The following CDS2 variants were observed in gnomAD, a reference collection of about 807,000 sequenced individuals.
The protein encoded by CDS2 is phosphatidate cytidylyltransferase 2.
In CDS2, 47 loss-of-function variants were observed where a neutral mutation model predicts 59.0. That is an observed-to-expected ratio of 0.80 (90% CI 0.63 to 1.02). The LOEUF is 1.02. Ranked by LOEUF, CDS2 falls within the 50% of genes least tolerant of loss-of-function variation. The probability of loss-of-function intolerance (pLI) is 0.00; values close to 1 mark genes in which losing one functional copy is unlikely to be tolerated. For synonymous variants in CDS2, 207 were observed against 206.4 expected, an observed-to-expected ratio of 1.00 and a Z score of -0.02; for missense variants, 356 against 558.9, an observed-to-expected ratio of 0.64 and a Z score of 3.66.
intron 1 of CDS2, among the ~76,000 whole-genome samples, chr20:5,158,498 C>T (rs1455975387): frequency 6.6e-6 from 1 of 152,118 alleles, no homozygotes; most frequent in Non-Finnish European, 1.5e-5. Context: ...TTTTAAACAA[C>T]CCTGTAAAAT....
chr20:5,181,288 A>G (rs867925701), intron 5 of CDS2, among the ~76,000 whole-genome samples: 1 of 152,218 alleles, frequency 6.6e-6, no homozygotes, highest in African/African-American at 2.4e-5. Flanking sequence ...TAAATTGCAG[A>G]AAAAAACCAA....
chr20:5,183,289 C>T lies in CDS2; in HGVS notation c.671+146C>T, dbSNP rs759212548. 35 of 649,412 alleles carry T rather than the reference C, an allele frequency of 5.4e-5. 1 individual carries two copies. The highest frequency in any genetic ancestry group is 8.7e-5 in the Non-Finnish European group (32 of 367,148). The allele number at this position is 649,412 out of a possible 1,614,324, so 40.2% of individuals were successfully genotyped here. A position where few individuals can be genotyped will look rare whatever the true frequency, so the allele number is the denominator to read the frequency against. On this transcript the variant is annotated intron_variant, in intron 7 of 12. Transcript: ENST00000460006. The stretch of plus-strand genomic sequence containing the variant: ...ATAGCACAGATTGCTGGACCCCACC[C>T]CTGACTTTTTGATTCATTAGATCTG...
chr20:5,172,428 C>T (rs192148097), intron 1 of CDS2, among the ~76,000 whole-genome samples: 10 of 152,320 alleles, frequency 6.6e-5, no homozygotes. Context: ...AGGCAGAAAA[C>T]TCCGTAGAAA....
At chr20:5,131,047 G>C (rs1339348363) in intron 1 of CDS2, among the ~76,000 whole-genome samples, 30 of 150,442 alleles carry the variant, frequency 2.0e-4, no homozygotes, top group Admixed American at 9.2e-4. Context: ...GAGCCGAGAT[G>C]GCGCCACTGC....
At chr20:5,153,067 G>T (rs1351803302) in intron 1 of CDS2, among the ~76,000 whole-genome samples, 1 of 152,074 alleles carries the variant, frequency 6.6e-6, no homozygotes, top group Non-Finnish European at 1.5e-5. Flanking sequence ...TATTTTGTCT[G>T]GATTGTCTTG....
At chr20:5,137,739 A>C (rs1422856206) in intron 1 of CDS2, among the ~76,000 whole-genome samples, 1 of 151,472 alleles carries the variant, frequency 6.6e-6, no homozygotes, top group East Asian at 2.0e-4. Flanking sequence ...ACTTGAGCCC[A>C]GGAGTTTGAG....
intron 2 of CDS2, among the ~76,000 whole-genome samples, chr20:5,174,551 C>T (rs569520377): frequency 2.6e-5 from 4 of 152,030 alleles, no homozygotes; most frequent in South Asian, 2.1e-4. Context: ...GGTGAAACCC[C>T]GTCTCTACTA....
chr20:5,196,240 C>T lies in CDS2; in HGVS notation c.*6006C>T, dbSNP rs1249449565. ...AAGCAGCTGCTGTGACAGGCCAATC[C>T]CAGGCTTGCCCCCGAGCCCTCCTGT... On this transcript the variant is annotated 3_prime_UTR_variant, in exon 13 of 13. Transcript: ENST00000460006. 6.6e-6 allele frequency: 1 copy of T among 152,146 alleles called. No homozygotes were observed. The highest frequency in any genetic ancestry group is 1.5e-5 in the Non-Finnish European group (1 of 68,052). 9.4% of individuals were successfully genotyped at this position (152,146 alleles called of 1,614,324 possible). A position where few individuals can be genotyped will look rare whatever the true frequency, so the allele number is the denominator to read the frequency against.
In CDS2 at chr20:5,189,073, G is replaced by A; in HGVS notation, c.988G>A (p.Val330Ile). ...VIQSVIGWKT[V>I]RMYPFQIHSI... ...CTTCATTTACTCTTCTCAGAAAACGGTCCGGATGTACCCCTTCCAGATTCA... is the reference window on the plus strand; with the variant it reads ...CTTCATTTACTCTTCTCAGAAAACGATCCGGATGTACCCCTTCCAGATTCA... Residue 330 changes from valine to isoleucine, a missense_variant, in exon 11 of 13, where the codon GTC (valine) becomes ATC (isoleucine). Physicochemically the swap from Val to Ile is conservative, Grantham distance 29. This residue lies in a region of CDS2 where 88 missense variants were observed against 103.6 expected (regional missense o/e 0.85). Transcript: ENST00000460006. 1 of 1,614,146 alleles carries A rather than the reference G, an allele frequency of 6.2e-7. No individual in the cohort carries two copies. The highest frequency in any genetic ancestry group is 2.2e-5 in the East Asian group (1 of 44,888).
At chr20:5,178,645 G>A (rs1308109621) in intron 4 of CDS2, among the ~76,000 whole-genome samples, 172 bp from the exon 5 acceptor site, 1 of 152,104 alleles carries the variant, frequency 6.6e-6, no homozygotes, top group Non-Finnish European at 1.5e-5. Context: ...CTCACCTACG[G>A]TGTCACCAGA....
At chr20:5,177,860 T>C (rs1250207515) in intron 4 of CDS2, among the ~76,000 whole-genome samples, 1 of 152,224 alleles carries the variant, frequency 6.6e-6, no homozygotes, top group Non-Finnish European at 1.5e-5. Context: ...GGCTGTTCTT[T>C]AGCTGGAAAG....
intron 11 of CDS2, 134 bp downstream of exon 11, chr20:5,189,320 G>A: frequency 1.1e-6 from 1 of 909,980 alleles, no homozygotes; most frequent in Non-Finnish European, 1.7e-6. Context: ...CCCATGCACT[G>A]AATTTAGGTG....
At chr20:5,177,080 A>C (rs2091000133) in intron 4 of CDS2, among the ~76,000 whole-genome samples, 1 of 152,156 alleles carries the variant, frequency 6.6e-6, no homozygotes, top group Non-Finnish European at 1.5e-5. Context: ...TCTTATAGTT[A>C]CTTGAAGTCT....
Position 5,176,642 on chromosome 20 carries a change from C to T in CDS2, c.292-6C>T. 1 of 1,609,740 alleles carries T rather than the reference C, an allele frequency of 6.2e-7. No individual in the cohort carries two copies. The highest frequency in any genetic ancestry group is 8.5e-7 in the Non-Finnish European group (1 of 1,176,080). On this transcript the variant is annotated splice_region_variant and splice_polypyrimidine_tract_variant and intron_variant, in intron 3 of 12. Coordinates refer to ENST00000460006, the MANE Select transcript of CDS2 (RefSeq NM_003818.4). ...GGGGTGTCAGTGAATGTTTTGTGTCCCGCAGGTGATGTGCGTTCAGATTAA... is the reference window on the plus strand; with the variant it reads ...GGGGTGTCAGTGAATGTTTTGTGTCTCGCAGGTGATGTGCGTTCAGATTAA...
At chr20:5,132,405 GGTTT>G (rs1247767369) in intron 1 of CDS2, among the ~76,000 whole-genome samples, 2 of 151,918 alleles carry the variant, frequency 1.3e-5, no homozygotes, top group African/African-American at 2.4e-5. Context: ...GCCTCTTTTT[GGTTT>G]ATTTTCTTGT....
intron 1 of CDS2, among the ~76,000 whole-genome samples, chr20:5,165,215 C>A (rs911216501): frequency 1.7e-4 from 23 of 134,400 alleles, no homozygotes; most frequent in African/African-American, 5.7e-4. Context: ...TTTTTGGAAA[C>A]CCCCGTATTG....
chr20:5,159,660 C>T (rs1281011324), intron 1 of CDS2, among the ~76,000 whole-genome samples: 5 of 152,060 alleles, frequency 3.3e-5, no homozygotes, highest in Non-Finnish European at 5.9e-5. Flanking sequence ...TTCCTCTTTT[C>T]CCCCAAAACA....
intron 1 of CDS2, among the ~76,000 whole-genome samples, chr20:5,133,782 A>T (rs975158118): frequency 6.6e-6 from 1 of 152,114 alleles, no homozygotes; most frequent in Non-Finnish European, 1.5e-5. Context: ...GCCTTGGCCT[A>T]CCAAAGTGAT....
At chr20:5,183,261 A>G (rs1233900841) in intron 7 of CDS2, 118 bp downstream of exon 7, 2 of 776,584 alleles carry the variant, frequency 2.6e-6, no homozygotes, top group East Asian at 2.7e-5. Context: ...TGCAGGGTTC[A>G]TTATAGCACA....
Sources: allele counts gnomAD v4.1 joint callset (sites outside exome capture counted in the v4.1 genomes callset), GRCh38; gene constraint gnomAD v4.1.1; regional missense constraint gnomAD v4.1.1; transcripts MANE v1.5; gene names NCBI Gene and HGNC (gene_info 2026-07-23, HGNC 2026-07-21).